Variants in ZBBX observed in about 807,000 individuals in gnomAD.
ZBBX encodes zinc finger B-box domain-containing protein 1.
ZBBX carries 101 observed loss-of-function variants against 108.5 expected under a neutral mutation model. The ratio of observed to expected loss-of-function variants is 0.93; its 90% confidence interval spans 0.79 to 1.10. The LOEUF is 1.10. Among genes scored for constraint, ZBBX ranks in the 50% least tolerant of loss-of-function variants. The pLI, the probability that ZBBX is intolerant of heterozygous loss-of-function variation, is 0.00. For missense variants in ZBBX, 1,009 were observed against 941.4 expected, an observed-to-expected ratio of 1.07 and a Z score of -0.94; for synonymous variants, 356 against 323.4, an observed-to-expected ratio of 1.10 and a Z score of -1.08.
intron 1 of ZBBX, among the ~76,000 whole-genome samples, chr3:167,397,623 C>T (rs767576630): frequency 2.0e-5 from 3 of 151,638 alleles, no homozygotes; most frequent in Non-Finnish European, 2.9e-5. Context: ...CTATTGTTAG[C>T]ACAGTAGTCA....
At chr3:167,180,104 G>T in the ZBBX span, among the ~76,000 whole-genome samples, 2 of 152,162 alleles carry the variant, frequency 1.3e-5, no homozygotes, top group African/African-American at 4.8e-5. Flanking sequence ...TCTTGCTCTC[G>T]AACAACAACA....
At chr3:167,255,894 C>A (rs1723423682) in intron 20 of ZBBX, among the ~76,000 whole-genome samples, 1 of 151,848 alleles carries the variant, frequency 6.6e-6, no homozygotes, top group South Asian at 2.1e-4. Context: ...GACACTAAGT[C>A]TTATTCATTC....
intron 1 of ZBBX, among the ~76,000 whole-genome samples, chr3:167,405,899 G>C (rs551864990): frequency 6.6e-6 from 1 of 151,952 alleles, no homozygotes; most frequent in Non-Finnish European, 1.5e-5. Context: ...GTGAAACCCC[G>C]TCTCTACTAA....
rs751466509 is a variant in ZBBX at position 167,282,288 on chromosome 3, T to C, written c.2204A>G (p.His735Arg). 7.4e-6 allele frequency: 12 copies of C among 1,613,844 alleles called. No homozygotes were observed. Among genetic ancestry groups the C allele is most frequent in the Admixed American group, 3.3e-5 (2 of 59,966 alleles). Residue 735 changes from histidine (H) to arginine (R), a missense_variant, in exon 20 of 22, where the codon CAT (histidine) becomes CGT (arginine). Coordinates refer to ENST00000675490, the MANE Select transcript of ZBBX (RefSeq NM_001199201.2). ...ELSLDDTTDQ[H>R]TLDNLEKELQ... Reference sequence around the variant, plus strand: ...TTCTTTTTCCAAATTGTCTAAAGTATGTTGATCAGTAGTGTCATCTAAGGA... The same window carrying C: ...TTCTTTTTCCAAATTGTCTAAAGTACGTTGATCAGTAGTGTCATCTAAGGA...
rs180837087 is a variant in ZBBX at position 167,288,847 on chromosome 3, T to G, written c.1996+20A>C. On this transcript the variant is annotated intron_variant, in intron 19 of 21. Coordinates refer to ENST00000675490, the MANE Select transcript of ZBBX (RefSeq NM_001199201.2). ...AAGTAAGCTGCCAACATGGCACTGC[T>G]GCCTTTGAGTCAATGTTACCCATCT... 6.7e-7 allele frequency: 1 copy of G among 1,499,310 alleles called. No homozygotes were observed. The allele number at this position is 1,499,310 out of a possible 1,614,324, so 92.9% of individuals were successfully genotyped here. A position where few individuals can be genotyped will look rare whatever the true frequency, so the allele number is the denominator to read the frequency against.
At chr3:167,325,573 G>A (rs542021506) in intron 11 of ZBBX, among the ~76,000 whole-genome samples, 16 of 152,236 alleles carry the variant, frequency 1.1e-4, no homozygotes, top group East Asian at 7.7e-4. Flanking sequence ...TGGTATGGAC[G>A]TGGGCATTGC....
chr3:167,407,446 G>C (rs1041599157), intron 1 of ZBBX, among the ~76,000 whole-genome samples: 1 of 152,004 alleles, frequency 6.6e-6, no homozygotes, highest in African/African-American at 2.4e-5. Context: ...GTGGGGATTA[G>C]GGCTGCCAAT....
the ZBBX span, among the ~76,000 whole-genome samples, chr3:167,192,282 C>A: frequency 6.6e-6 from 1 of 152,028 alleles, no homozygotes; most frequent in African/African-American, 2.4e-5. Flanking sequence ...ATTGAAGAGT[C>A]GCCTTTAGCA....
the ZBBX span, among the ~76,000 whole-genome samples, chr3:167,230,171 G>A: frequency 3.3e-5 from 5 of 151,756 alleles, no homozygotes; most frequent in African/African-American, 1.2e-4. Flanking sequence ...AAATTATTGT[G>A]AGGCACATGA....
intron 1 of ZBBX, among the ~76,000 whole-genome samples, chr3:167,388,827 T>C (rs1272572309): frequency 6.6e-6 from 1 of 152,028 alleles, no homozygotes; most frequent in Non-Finnish European, 1.5e-5. Context: ...AGACAGAAAA[T>C]GAAAGCACAC....
intron 4 of ZBBX, 189 bp from the exon 5 acceptor site, chr3:167,368,763 T>C (rs1366623917): frequency 8.0e-7 from 1 of 1,249,642 alleles, no homozygotes; most frequent in African/African-American, 1.6e-5. Flanking sequence ...TGAAGCAAAT[T>C]ATCTCTTCAA....
intron 1 of ZBBX, among the ~76,000 whole-genome samples, chr3:167,404,169 AG>A (rs1301328721): frequency 6.6e-6 from 1 of 152,180 alleles, no homozygotes; most frequent in African/African-American, 2.4e-5. Flanking sequence ...CTTCAAAACA[AG>A]TAGTACCAAA....
the ZBBX span, among the ~76,000 whole-genome samples, chr3:167,227,704 G>A: frequency 6.6e-6 from 1 of 151,620 alleles, no homozygotes; most frequent in East Asian, 1.9e-4. Flanking sequence ...GTTCTTCAGG[G>A]ACCACTTTTC....
intron 20 of ZBBX, among the ~76,000 whole-genome samples, chr3:167,243,828 T>C (rs568691567): frequency 8.7e-4 from 126 of 144,894 alleles, no homozygotes; most frequent in Middle Eastern, 7.3e-3. Context: ...CTACTGAAAG[T>C]AAATCAGATT....
intron 19 of ZBBX, among the ~76,000 whole-genome samples, chr3:167,285,691 A>G (rs1165571532): frequency 1.3e-5 from 2 of 152,092 alleles, no homozygotes; most frequent in Non-Finnish European, 2.9e-5. Context: ...TTAATACTCA[A>G]TCAAATTCAA....
chr3:167,373,001 A>C lies in ZBBX; in HGVS notation c.-49-51T>G, dbSNP rs1746383809. Reference sequence around the variant, plus strand: ...ATTATGGCAGAGGTGAAGCAGTATAAGTTACAAATTCAAAACTCCATATAA... The same window carrying C: ...ATTATGGCAGAGGTGAAGCAGTATACGTTACAAATTCAAAACTCCATATAA... On this transcript the variant is annotated intron_variant, in intron 3 of 21. Coordinates refer to ENST00000675490, the MANE Select transcript of ZBBX (RefSeq NM_001199201.2). 7 of 865,796 alleles carry C rather than the reference A, an allele frequency of 8.1e-6. No individual in the cohort carries two copies. In the South Asian group the frequency reaches 1.6e-4, roughly 19 times the overall value. 53.6% of individuals were successfully genotyped at this position (865,796 alleles called of 1,614,324 possible).
chr3:167,222,971 G>A, the ZBBX span, among the ~76,000 whole-genome samples: 1 of 151,912 alleles, frequency 6.6e-6, no homozygotes, highest in Non-Finnish European at 1.5e-5. Flanking sequence ...ATGATAAATA[G>A]TTGAGGTGAT....
chr3:167,381,248 G>A (rs1455561454), upstream of ZBBX: 1 of 152,076 alleles, frequency 6.6e-6, no homozygotes, highest in Non-Finnish European at 1.5e-5. Context: ...GAAGACAATG[G>A]TAGTCTTCTG....
At chr3:167,363,211 C>A (rs915897780) in intron 6 of ZBBX, among the ~76,000 whole-genome samples, 1 of 151,994 alleles carries the variant, frequency 6.6e-6, no homozygotes, top group Non-Finnish European at 1.5e-5. Flanking sequence ...TCCTACAAAT[C>A]CATGCTGATC....
Sources: allele counts gnomAD v4.1 joint callset (sites outside exome capture counted in the v4.1 genomes callset), GRCh38; gene constraint gnomAD v4.1.1; transcripts MANE v1.5; gene names NCBI Gene and HGNC (gene_info 2026-07-23, HGNC 2026-07-21).